PSD3: variants seen among roughly 807,000 people sequenced by gnomAD.
The protein encoded by PSD3 is PH and SEC7 domain-containing protein 3.
In PSD3, 49 loss-of-function variants were observed where a neutral mutation model predicts 105.5. The observed-to-expected ratio is 0.46, with a 90% CI of 0.37 to 0.59. PSD3 has a LOEUF of 0.59. Among genes scored for constraint, PSD3 ranks in the 20% least tolerant of loss-of-function variants. The pLI, the probability that PSD3 is intolerant of heterozygous loss-of-function variation, is 0.00. For missense variants in PSD3, 1,561 were observed against 1,263.8 expected, an observed-to-expected ratio of 1.24 and a Z score of -3.57; for synonymous variants, 557 against 457.8, an observed-to-expected ratio of 1.22 and a Z score of -2.77.
chr8:18,652,493 GTT>G (rs67555804), intron 10 of PSD3, among the ~76,000 whole-genome samples: 50 of 92,600 alleles, frequency 5.4e-4, no homozygotes, highest in African/African-American at 1.9e-3. Flanking sequence ...AAAAAGCTTA[GTT>G]TTTTTTTTTT....
At chr8:18,657,625 A>G (rs1404590088) in intron 9 of PSD3, among the ~76,000 whole-genome samples, 1 of 151,964 alleles carries the variant, frequency 6.6e-6, no homozygotes. Context: ...TAGTTAATGT[A>G]TCAGGAGGCT....
intron 4 of PSD3, among the ~76,000 whole-genome samples, chr8:18,856,748 T>C (rs1164939074): frequency 6.6e-6 from 1 of 152,198 alleles, no homozygotes; most frequent in South Asian, 2.1e-4. Context: ...AGAATTATTA[T>C]TACAGAAAAA....
At chr8:18,985,515 A>G (rs1825457597) in intron 1 of PSD3, among the ~76,000 whole-genome samples, 1 of 152,220 alleles carries the variant, frequency 6.6e-6, no homozygotes, top group South Asian at 2.1e-4. Flanking sequence ...GAAAGCTGCA[A>G]TAAAGCTACA....
At chr8:18,791,337 G>C (rs1041272424) in intron 8 of PSD3, among the ~76,000 whole-genome samples, 2 of 151,864 alleles carry the variant, frequency 1.3e-5, no homozygotes, top group African/African-American at 4.8e-5. Flanking sequence ...TGTACTACAG[G>C]GCTACAGTAA....
chr8:18,656,628 G>A (rs1808916153), intron 9 of PSD3, among the ~76,000 whole-genome samples: 1 of 152,122 alleles, frequency 6.6e-6, no homozygotes, highest in African/African-American at 2.4e-5. Context: ...GGTAAAGTCA[G>A]CACAAGACTG....
intron 2 of PSD3, among the ~76,000 whole-genome samples, chr8:18,891,347 C>A (rs78217808): frequency 6.6e-6 from 1 of 152,000 alleles, no homozygotes; most frequent in Non-Finnish European, 1.5e-5. Context: ...TAAATAAATG[C>A]GTTTTCGTTC....
intron 9 of PSD3, among the ~76,000 whole-genome samples, chr8:18,686,165 G>A (rs866327234): frequency 2.6e-5 from 4 of 152,132 alleles, no homozygotes; most frequent in South Asian, 2.1e-4. Flanking sequence ...CCCAATTGAC[G>A]TTACTCCTGT....
At chr8:18,983,005 C>T (rs1392685500) in intron 1 of PSD3, among the ~76,000 whole-genome samples, 2 of 152,200 alleles carry the variant, frequency 1.3e-5, no homozygotes. Flanking sequence ...CAATAGAAGG[C>T]TGTTTTGTCT....
At chr8:18,683,186 G>A (rs1378140998) in intron 9 of PSD3, among the ~76,000 whole-genome samples, 2 of 152,122 alleles carry the variant, frequency 1.3e-5, no homozygotes, top group Non-Finnish European at 2.9e-5. Context: ...GTGGTTTCAT[G>A]GCAGCATAGC....
At chr8:18,590,651 C>T (rs756842844) in intron 12 of PSD3, among the ~76,000 whole-genome samples, 12 of 151,936 alleles carry the variant, frequency 7.9e-5, no homozygotes, top group African/African-American at 2.9e-4. Flanking sequence ...GAGATATGTG[C>T]ATGTGTGTGT....
intron 10 of PSD3, among the ~76,000 whole-genome samples, chr8:18,637,750 C>T (rs1005315024): frequency 1.3e-5 from 2 of 152,056 alleles, no homozygotes; most frequent in Non-Finnish European, 2.9e-5. Flanking sequence ...GTATCTACAA[C>T]CAATACCATA....
chr8:18,738,014 T>C (rs1459401985), intron 9 of PSD3, among the ~76,000 whole-genome samples: 1 of 152,168 alleles, frequency 6.6e-6, no homozygotes. Context: ...GAAGCTATCT[T>C]TGCTAGATTT....
chr8:18,765,460 C>A lies in PSD3; in HGVS notation c.2161G>T (p.Asp721Tyr), dbSNP rs771292368. The A allele has an allele frequency of 6.2e-7, 1 of 1,608,624 alleles. No homozygotes were observed. Among genetic ancestry groups the A allele is most frequent in the Non-Finnish European group, 8.5e-7 (1 of 1,174,982 alleles). Residue 721 changes from aspartate to tyrosine, a missense_variant, in exon 9 of 16, where the codon GAT (aspartate) becomes TAT (tyrosine). Asp to Tyr is a radical substitution (Grantham distance 160). Coordinates refer to ENST00000327040, the MANE Select transcript of PSD3 (RefSeq NM_015310.4). ...AGTTCCATGCTTACTTTCAGCAGAT[C>A]CTTGGAGAAATCAACACCCTCATTT... is the stretch of plus-strand genomic sequence containing the variant. ...GVNEGVDFSKDLLKALYNSIK... is the reference protein window; with the variant it reads ...GVNEGVDFSKYLLKALYNSIK...
intron 10 of PSD3, among the ~76,000 whole-genome samples, chr8:18,645,739 G>A (rs1337191336): frequency 6.6e-6 from 1 of 152,166 alleles, no homozygotes; most frequent in Non-Finnish European, 1.5e-5. Context: ...TCAATGAGGT[G>A]TAATGAGTAT....
intron 1 of PSD3, among the ~76,000 whole-genome samples, chr8:18,965,047 G>A (rs1415255678): frequency 2.0e-5 from 3 of 152,114 alleles, no homozygotes; most frequent in Admixed American, 2.0e-4. Context: ...ATTTTTAAAT[G>A]CGGCTAACTC....
At chr8:18,828,983 G>C (rs1313232538) in intron 4 of PSD3, among the ~76,000 whole-genome samples, 1 of 152,080 alleles carries the variant, frequency 6.6e-6, no homozygotes, top group East Asian at 1.9e-4. Flanking sequence ...GAGGTGGGCG[G>C]ACGGCTTGAG....
rs560049492 is a variant in PSD3 at position 18,578,996 on chromosome 8, T to C, written c.2482-3711A>G. On this transcript the variant is annotated intron_variant, in intron 12 of 15. Transcript: ENST00000327040. Reference sequence around the variant, plus strand: ...GTCTAGGAAGCTTCCGCTTTTCTAGTTGATAATACAATTTTACCATTTTTT... The same window carrying C: ...GTCTAGGAAGCTTCCGCTTTTCTAGCTGATAATACAATTTTACCATTTTTT... Among the ~76,000 whole-genome samples, 22 of 152,128 alleles carry C rather than the reference T, an allele frequency of 1.4e-4. No homozygotes were observed. The South Asian group carries it at 4.6e-3, about 32-fold the overall frequency.
chr8:19,069,896 G>T (rs984931232), intron 1 of PSD3, among the ~76,000 whole-genome samples: 6 of 151,850 alleles, frequency 4.0e-5, no homozygotes, highest in African/African-American at 1.5e-4. Context: ...ATTTTTAGTT[G>T]CGAAATCTGG....
chr8:19,080,745 G>A (rs558498111), intron 1 of PSD3, among the ~76,000 whole-genome samples: 1 of 152,262 alleles, frequency 6.6e-6, no homozygotes, highest in South Asian at 2.1e-4. Context: ...AGGGAGAAAG[G>A]AAGACCAAAA....
Sources: gnomAD v4.1 joint callset for allele counts (sites outside exome capture counted in the v4.1 genomes callset) on GRCh38, gnomAD v4.1.1 for gene constraint, MANE v1.5 for transcripts, NCBI Gene and HGNC (gene_info 2026-07-23, HGNC 2026-07-21) for gene names.